The following PREPL variants were observed in gnomAD, a reference collection of about 807,000 sequenced individuals.
PREPL encodes prolyl endopeptidase like.
In PREPL, 77 loss-of-function variants were observed where a neutral mutation model predicts 70.6. That is an observed-to-expected ratio of 1.09 (90% CI 0.91 to 1.32). The LOEUF is 1.32. Among genes scored for constraint, PREPL ranks in the 40% most tolerant of loss-of-function variants. The probability of loss-of-function intolerance (pLI) is 0.00; values close to 1 mark genes in which losing one functional copy is unlikely to be tolerated. For synonymous variants in PREPL, 315 were observed against 264.8 expected, an observed-to-expected ratio of 1.19 and a Z score of -1.84; for missense variants, 1,002 against 778.2, an observed-to-expected ratio of 1.29 and a Z score of -3.42.
rs1676502001 is a variant in PREPL, at chr2:44,352,087, C to T, written c.-48-5697G>A. 2.0e-5 allele frequency among the ~76,000 whole-genome samples: 3 copies of T among 152,204 alleles called. No homozygotes were observed. The South Asian group carries it at 6.2e-4, about 31-fold the overall frequency. On this transcript the variant is annotated intron_variant, in intron 1 of 13. Transcript: ENST00000409411. ...ACTTGGGCCCTATGCCCAAATACCT[C>T]CTTAAAGCTATTGCTCAAATGTCAT...
chr2:44,347,844 G>A (rs1332039798), intron 1 of PREPL, among the ~76,000 whole-genome samples: 3 of 152,164 alleles, frequency 2.0e-5, no homozygotes, highest in South Asian at 2.1e-4. Context: ...TATAAATACA[G>A]TTTATATTAC....
chr2:44,355,146 A>C (rs1055283503), intron 1 of PREPL, among the ~76,000 whole-genome samples: 3 of 152,220 alleles, frequency 2.0e-5, no homozygotes, highest in Non-Finnish European at 2.9e-5. Context: ...GCCTCCAATC[A>C]GTTAAAAAAA....
Position 44,344,077 on chromosome 2 carries a change from AATG to A in PREPL, c.143-129_143-127del, listed in dbSNP as rs1360380563. 1.7e-4 allele frequency: 23 copies of A among 133,590 alleles called. 1 individual carries two copies. The Admixed American group carries it at 3.6e-3, about 21-fold the overall frequency. 8.3% of individuals were successfully genotyped at this position (133,590 alleles called of 1,614,324 possible). A position where few individuals can be genotyped will look rare whatever the true frequency, so the allele number is the denominator to read the frequency against. ...AGGCCATATCCTAGCTTCTTTCAAC[AATG>A]ATGGCAGCTTAACTTGCACATCAAC... On this transcript the variant is annotated intron_variant, in intron 3 of 13. Transcript: ENST00000409411.
intron 10 of PREPL, among the ~76,000 whole-genome samples, chr2:44,325,445 A>G (rs191350335): frequency 6.2e-4 from 95 of 152,248 alleles, no homozygotes; most frequent in Non-Finnish European, 1.1e-3. Flanking sequence ...AGACACCTAC[A>G]TTTTCCTAAT....
chr2:44,344,272 C>T (rs1251272699), intron 3 of PREPL, among the ~76,000 whole-genome samples: 1 of 152,070 alleles, frequency 6.6e-6, no homozygotes, highest in Non-Finnish European at 1.5e-5. Flanking sequence ...TGCCAAGTGC[C>T]TAGCATAGTA....
Position 44,320,411 on chromosome 2 carries a change from G to T in PREPL, c.*945C>A, listed in dbSNP as rs2103644385. The T allele has an allele frequency of 6.2e-7, 1 of 1,614,088 alleles. No individual in the cohort carries two copies. The highest frequency in any genetic ancestry group is 8.5e-7 in the Non-Finnish European group (1 of 1,179,936). ...CAACACTGTTAAATCTACATAATAT[G>T]ATTTCGGGCCTTCCCGCTAAAATGA... On this transcript the variant is annotated 3_prime_UTR_variant, in exon 14 of 14. Transcript: ENST00000409411.
rs747712512 is a variant in PREPL at position 44,322,831 on chromosome 2, C to T, written c.1653G>A (p.Thr551=). ...KPQHYPSIHI[T]AYENDERVPL... is the part of the protein sequence containing the mutation. Reference sequence around the variant, plus strand: ...GTACCCGTTCATCGTTTTCATATGCCGTTATGTGAATTGAAGGATAATGCT... The same window carrying T: ...GTACCCGTTCATCGTTTTCATATGCTGTTATGTGAATTGAAGGATAATGCT... The change falls in exon 12 of 14, where the codon ACG becomes ACA. Residue 551 remains threonine, a synonymous_variant. Coordinates refer to ENST00000409411, the MANE Select transcript of PREPL (RefSeq NM_001171613.2). 31 of 1,613,374 alleles carry T rather than the reference C, an allele frequency of 1.9e-5. No individual in the cohort carries two copies. Among genetic ancestry groups the T allele is most frequent in the South Asian group, 3.3e-5 (3 of 91,042 alleles).
At chr2:44,332,332 G>GT in intron 8 of PREPL, 127 bp downstream of exon 8, 1 of 757,430 alleles carries the variant, frequency 1.3e-6, no homozygotes, top group Middle Eastern at 2.4e-4. Context: ...AGTCACTTGG[G>GT]TATTACTGTG....
intron 1 of PREPL, among the ~76,000 whole-genome samples, chr2:44,356,810 A>T (rs1677093222): frequency 6.7e-6 from 1 of 148,158 alleles, no homozygotes; most frequent in South Asian, 2.1e-4. Context: ...GAAACTCCCT[A>T]TTTTTTTTTT....
chr2:44,358,485 A>AT (rs1440271148), intron 1 of PREPL, among the ~76,000 whole-genome samples: 4 of 152,220 alleles, frequency 2.6e-5, no homozygotes, highest in Non-Finnish European at 5.9e-5. Flanking sequence ...CCTAAGGAAC[A>AT]TAAGAAGTAA....
rs1672917013 is a variant in PREPL, at chr2:44,321,285, T to G, written c.*71A>C. On this transcript the variant is annotated 3_prime_UTR_variant, in exon 14 of 14. Transcript: ENST00000409411. ...AGTCTCAAGTTATTAATTTTTTTTT[T>G]GCTAACTCAATTGGAAGTAAGACTA... is the stretch of plus-strand genomic sequence containing the variant. The G allele has an allele frequency of 3.2e-6, 4 of 1,251,818 alleles. No individual in the cohort carries two copies. The highest frequency in any genetic ancestry group is 2.4e-5 in the Admixed American group (1 of 41,160). The allele number at this position is 1,251,818 out of a possible 1,614,324, so 77.5% of individuals were successfully genotyped here.
chr2:44,325,337 G>A (rs76270585), intron 10 of PREPL, among the ~76,000 whole-genome samples: 5,619 of 152,318 alleles, frequency 0.037, 331 homozygotes, highest in African/African-American at 0.13. Context: ...AAGTTGCACT[G>A]GCAGTGTGAG....
At chr2:44,361,511 AACG>A (rs1339845850), upstream of PREPL, 2 of 153,548 alleles carry the variant, frequency 1.3e-5, no homozygotes, top group African/African-American at 4.8e-5. Context: ...CAGCCCACAG[AACG>A]ACAACTTACC....
rs188367772 is a variant in PREPL, at chr2:44,319,654, C to T, written c.*1702G>A. The T allele has an allele frequency of 3.9e-5, 6 of 152,984 alleles. No individual in the cohort carries two copies. Among genetic ancestry groups the T allele is most frequent in the East Asian group, 1.9e-4 (1 of 5,188 alleles). 9.5% of individuals were successfully genotyped at this position (152,984 alleles called of 1,614,324 possible). A position where few individuals can be genotyped will look rare whatever the true frequency, so the allele number is the denominator to read the frequency against. Reference sequence around the variant, plus strand: ...AAAAGTCTACAATTTCTAACTTTCACCTTAGGCAGCTTTTTATTTTGCATC... The same window carrying T: ...AAAAGTCTACAATTTCTAACTTTCATCTTAGGCAGCTTTTTATTTTGCATC... On this transcript the variant is annotated 3_prime_UTR_variant, in exon 14 of 14. Transcript: ENST00000409411.
At chr2:44,355,476 G>A (rs1309512061) in intron 1 of PREPL, among the ~76,000 whole-genome samples, 1 of 152,174 alleles carries the variant, frequency 6.6e-6, no homozygotes, top group Non-Finnish European at 1.5e-5. Flanking sequence ...TTGAGCCTGG[G>A]AGGTGGAGGT....
intron 7 of PREPL, among the ~76,000 whole-genome samples, chr2:44,337,264 A>G (rs1479908242): frequency 6.6e-6 from 1 of 152,098 alleles, no homozygotes; most frequent in East Asian, 1.9e-4. Context: ...GGTTTATTTC[A>G]CATTCAACCA....
At chr2:44,321,585 G>A in intron 13 of PREPL, 140 bp from the exon 14 acceptor site, 1 of 1,491,566 alleles carries the variant, frequency 6.7e-7, no homozygotes, top group Non-Finnish European at 8.9e-7. Flanking sequence ...TCGAGAGAGA[G>A]GCAGAAGGCT....
intron 1 of PREPL, among the ~76,000 whole-genome samples, chr2:44,356,077 G>C (rs1417846823): frequency 1.3e-5 from 2 of 152,096 alleles, no homozygotes; most frequent in African/African-American, 4.8e-5. Context: ...TTGCCATCTG[G>C]CTAATGTAAA....
At chr2:44,337,535 T>C (rs910909040) in intron 7 of PREPL, among the ~76,000 whole-genome samples, 2 of 151,908 alleles carry the variant, frequency 1.3e-5, no homozygotes, top group Admixed American at 6.6e-5. Flanking sequence ...TTTACAGGAG[T>C]TTTAAGAATA....
Sources: gnomAD v4.1 joint callset for allele counts (sites outside exome capture counted in the v4.1 genomes callset) on GRCh38, gnomAD v4.1.1 for gene constraint, MANE v1.5 for transcripts, NCBI Gene and HGNC (gene_info 2026-07-23, HGNC 2026-07-21) for gene names.